Variants in FBXO32 observed in about 807,000 individuals in gnomAD.
The protein encoded by FBXO32 is F-box only protein 32.
Under a neutral mutation model 48.3 loss-of-function variants are expected in FBXO32, and 15 were observed. The ratio of observed to expected loss-of-function variants is 0.31; its 90% confidence interval spans 0.21 to 0.48. The LOEUF (loss-of-function observed/expected upper bound fraction) is 0.48. FBXO32 is among the 20% of genes least tolerant of loss of function. The probability of loss-of-function intolerance (pLI) is 0.99; values close to 1 mark genes in which losing one functional copy is unlikely to be tolerated. For missense variants in FBXO32, 309 were observed against 432.7 expected (o/e 0.71, Z 2.54); for synonymous variants, 154 against 165.9 (o/e 0.93, Z 0.55).
At chr8:123,521,858 T>C (rs1204814931) in intron 4 of FBXO32, among the ~76,000 whole-genome samples, 1 of 152,106 alleles carries the variant, frequency 6.6e-6, no homozygotes, top group African/African-American at 2.4e-5. Context: ...TATAGGAAGG[T>C]TGCGTCTTCT....
intron 6 of FBXO32, among the ~76,000 whole-genome samples, chr8:123,512,168 T>G (rs1247411404): frequency 6.6e-6 from 1 of 152,204 alleles, no homozygotes; most frequent in Non-Finnish European, 1.5e-5. Context: ...TGTCTGTGGG[T>G]GCAGCGTGTA....
At chr8:123,539,539 G>A (rs2280919) in intron 1 of FBXO32, among the ~76,000 whole-genome samples, 65,827 of 151,984 alleles carry the variant, frequency 0.43, 14,390 homozygotes, top group Non-Finnish European at 0.45. Flanking sequence ...TAACTCCAAC[G>A]TAAATGGTTA....
chr8:123,528,275 C>T (rs1441898432), intron 4 of FBXO32, among the ~76,000 whole-genome samples: 1 of 152,148 alleles, frequency 6.6e-6, no homozygotes, highest in Non-Finnish European at 1.5e-5. Flanking sequence ...CCGAAACCTT[C>T]TCCTGGTTGA....
At chr8:123,511,297 GGTAACAACA>G (rs1225777203) in intron 6 of FBXO32, among the ~76,000 whole-genome samples, 1 of 152,012 alleles carries the variant, frequency 6.6e-6, no homozygotes, top group Non-Finnish European at 1.5e-5. Context: ...CTCCAAGAGG[GGTAACAACA>G]GCTACAATAG....
chr8:123,504,197 T>C (rs1211053685), intron 8 of FBXO32, among the ~76,000 whole-genome samples: 1 of 152,112 alleles, frequency 6.6e-6, no homozygotes, highest in Non-Finnish European at 1.5e-5. Context: ...TGTGTCAAAG[T>C]ACATTGATTT....
intron 1 of FBXO32, among the ~76,000 whole-genome samples, chr8:123,539,436 T>A (rs1384605793): frequency 6.6e-6 from 1 of 152,206 alleles, no homozygotes; most frequent in East Asian, 1.9e-4. Flanking sequence ...TCAATAGCAG[T>A]TGGTCTTACT....
intron 1 of FBXO32, among the ~76,000 whole-genome samples, chr8:123,539,820 G>C (rs1382639596): frequency 6.6e-6 from 1 of 152,146 alleles, no homozygotes; most frequent in Non-Finnish European, 1.5e-5. Context: ...TCAATTTAAG[G>C]GTGCAGGGGC....
rs560908684 is a variant in FBXO32, at chr8:123,503,007, G to A, written c.*366C>T. ...CATTGTAAACAAAGCGTCCTATTTT[G>A]TATTTGAGTTTTGCCTTTTTCTTCC... On this transcript the variant is annotated 3_prime_UTR_variant, in exon 9 of 9. Coordinates refer to ENST00000517956, the MANE Select transcript of FBXO32 (RefSeq NM_058229.4). 6.3e-6 allele frequency: 1 copy of A among 158,232 alleles called. No homozygotes were observed. Among genetic ancestry groups the A allele is most frequent in the Non-Finnish European group, 1.4e-5 (1 of 71,924 alleles). The allele number at this position is 158,232 out of a possible 1,614,324, so 9.8% of individuals were successfully genotyped here. A position where few individuals can be genotyped will look rare whatever the true frequency, so the allele number is the denominator to read the frequency against.
rs771939133 is a variant in FBXO32 at position 123,506,499 on chromosome 8, C to T, written c.727G>A (p.Gly243Arg). 6.2e-6 allele frequency: 10 copies of T among 1,613,920 alleles called. No individual in the cohort carries two copies. Among genetic ancestry groups the T allele is most frequent in the Non-Finnish European group, 8.5e-6 (10 of 1,179,952 alleles). The change falls in exon 7 of 9, where the codon GGG (glycine) becomes AGG (arginine). Residue 243 changes from glycine to arginine, a missense_variant. Physicochemically the swap from Gly to Arg is moderately radical, Grantham distance 125. Transcript: ENST00000517956. This position sits in a 1 kb window ranked among gnomAD's most constrained non-coding sequence, Gnocchi z 4.0. ...QLNIMQRLSDGRDLVSLGQAA... is the reference protein window; with the variant it reads ...QLNIMQRLSDRRDLVSLGQAA... Reference sequence around the variant, plus strand: ...TGGCCCAGGCTGACCAGGTCCCGCCCGTCGCTCAGCCTCTGCATGATGTTC... The same window carrying T: ...TGGCCCAGGCTGACCAGGTCCCGCCTGTCGCTCAGCCTCTGCATGATGTTC...
chr8:123,537,579 A>G (rs1302063364), intron 1 of FBXO32, among the ~76,000 whole-genome samples: 1 of 152,154 alleles, frequency 6.6e-6, no homozygotes, highest in Non-Finnish European at 1.5e-5. Context: ...GTGCCCCCAG[A>G]GGTTTAATTG....
At chr8:123,524,512 T>C in intron 4 of FBXO32, among the ~76,000 whole-genome samples, 1 of 152,154 alleles carries the variant, frequency 6.6e-6, no homozygotes, top group Non-Finnish European at 1.5e-5. Context: ...CACAATCACT[T>C]CTGTGCATCA....
At position 123,504,776 on chromosome 8, in the gene FBXO32, A is replaced by G. The variant is rs540682889; in HGVS notation, c.835-29T>C. On this transcript the variant is annotated intron_variant, in intron 7 of 8. Transcript: ENST00000517956. ...AAAAATCAAATGAATAAAGGAAATGACAGGAGAGTTTGTCAAGAAGATGGC... is the reference window on the plus strand; with the variant it reads ...AAAAATCAAATGAATAAAGGAAATGGCAGGAGAGTTTGTCAAGAAGATGGC... 3,087 of 1,605,974 alleles carry G rather than the reference A, an allele frequency of 1.9e-3. 38 individuals are homozygous for G. The South Asian group carries it at 0.021, about 11-fold the overall frequency.
chr8:123,513,451 T>C lies in FBXO32; in HGVS notation c.467-69A>G, dbSNP rs570824678. The C allele has an allele frequency of 7.7e-7, 1 of 1,297,378 alleles. No individual in the cohort carries two copies. Among genetic ancestry groups the C allele is most frequent in the African/African-American group, 1.5e-5 (1 of 68,198 alleles). 80.4% of individuals were successfully genotyped at this position (1,297,378 alleles called of 1,614,324 possible). On this transcript the variant is annotated intron_variant, in intron 5 of 8. Coordinates refer to ENST00000517956, the MANE Select transcript of FBXO32 (RefSeq NM_058229.4). This position sits in a 1 kb window ranked among gnomAD's most constrained non-coding sequence, Gnocchi z 4.3. ...ACACCCTGTATTTTACACATGAGCT[T>C]GTCTCTGTCTGTATTCCACTCATGT...
chr8:123,514,957 A>C (rs1816807666), intron 4 of FBXO32, among the ~76,000 whole-genome samples: 1 of 152,238 alleles, frequency 6.6e-6, no homozygotes, highest in African/African-American at 2.4e-5. Context: ...ACTGTGGCTA[A>C]AAACTTGGAT....
At chr8:123,509,244 A>G (rs1166388705) in intron 6 of FBXO32, among the ~76,000 whole-genome samples, 1 of 152,236 alleles carries the variant, frequency 6.6e-6, no homozygotes, top group Non-Finnish European at 1.5e-5. Flanking sequence ...CAAAATAGAA[A>G]GCATTTACTC....
At position 123,513,682 on chromosome 8, in the gene FBXO32, T is replaced by C. The variant is rs1481705897; in HGVS notation, c.467-300A>G. Among the ~76,000 whole-genome samples the C allele has an allele frequency of 6.6e-6, 1 of 152,138 alleles. No homozygotes were observed. The highest frequency in any genetic ancestry group is 1.9e-4 in the East Asian group (1 of 5,190). On this transcript the variant is annotated intron_variant, in intron 5 of 8. Transcript: ENST00000517956. The surrounding 1 kb of genome is among the most constrained non-coding windows in gnomAD (Gnocchi z 4.3). Reference sequence around the variant, plus strand: ...ATGGTTCACCTGATCAGAAAGCCACTCCTTTTGCCCAGAAGTGACCCCGTT... The same window carrying C: ...ATGGTTCACCTGATCAGAAAGCCACCCCTTTTGCCCAGAAGTGACCCCGTT...
chr8:123,537,575 C>T (rs190572375), intron 1 of FBXO32, among the ~76,000 whole-genome samples: 1 of 152,030 alleles, frequency 6.6e-6, no homozygotes, highest in Non-Finnish European at 1.5e-5. Flanking sequence ...TGACGTGCCC[C>T]CAGAGGTTTA....
chr8:123,532,605 CA>C (rs1817231821), intron 3 of FBXO32, among the ~76,000 whole-genome samples: 1 of 152,180 alleles, frequency 6.6e-6, no homozygotes, highest in African/African-American at 2.4e-5. Flanking sequence ...CCTCAAATCA[CA>C]GAGGGGACTA....
chr8:123,541,061 TG>T lies in FBXO32; in HGVS notation c.-48del, dbSNP rs747034801. The stretch of plus-strand genomic sequence containing the variant: ...GGATGGGGAGACGGGGCCGGCCTGG[TG>T]GGCTCGGGGACGTGCCACCCGGGGC... On this transcript the variant is annotated 5_prime_UTR_variant, in exon 1 of 9. Coordinates refer to ENST00000517956, the MANE Select transcript of FBXO32 (RefSeq NM_058229.4). 3.7e-6 allele frequency: 5 copies of T among 1,368,892 alleles called. No individual in the cohort carries two copies. Among genetic ancestry groups the T allele is most frequent in the Middle Eastern group, 2.2e-4 (1 of 4,538 alleles). 84.8% of individuals were successfully genotyped at this position (1,368,892 alleles called of 1,614,324 possible).
Sources: gnomAD v4.1 joint callset for allele counts (sites outside exome capture counted in the v4.1 genomes callset) on GRCh38, gnomAD v4.1.1 for gene constraint, Gnocchi (gnomAD v3.1) non-coding constraint, MANE v1.5 for transcripts, NCBI Gene and HGNC (gene_info 2026-07-23, HGNC 2026-07-21) for gene names.